RAB3C: variants seen among roughly 807,000 people sequenced by gnomAD.
RAB3C encodes the protein ras-related protein Rab-3C.
Under a neutral mutation model 26.4 loss-of-function variants are expected in RAB3C, and 17 were observed. That is an observed-to-expected ratio of 0.64 (90% CI 0.44 to 0.97). The LOEUF (loss-of-function observed/expected upper bound fraction) is 0.97. Ranked by LOEUF, RAB3C falls within the 50% of genes least tolerant of loss-of-function variation. RAB3C has a pLI of 0.00. For synonymous variants in RAB3C, 91 were observed against 95.9 expected (o/e 0.95, Z 0.30); for missense variants, 242 against 281.9 (o/e 0.86, Z 1.01).
intron 2 of RAB3C, among the ~76,000 whole-genome samples, chr5:58,666,927 T>G (rs1748014309): frequency 6.6e-6 from 1 of 152,194 alleles, no homozygotes. Flanking sequence ...AAATTTCTTT[T>G]ATTGCATCTG....
intron 3 of RAB3C, among the ~76,000 whole-genome samples, chr5:58,726,521 A>G (rs557681719): frequency 1.3e-5 from 2 of 152,072 alleles, no homozygotes; most frequent in East Asian, 3.9e-4. Flanking sequence ...CTTTTATTAG[A>G]ATACACTCCC....
chr5:58,692,457 A>G (rs1748590346), intron 2 of RAB3C, among the ~76,000 whole-genome samples: 1 of 152,178 alleles, frequency 6.6e-6, no homozygotes, highest in Non-Finnish European at 1.5e-5. Context: ...GATGTTAAGC[A>G]TAAAGTTTAG....
intron 4 of RAB3C, among the ~76,000 whole-genome samples, chr5:58,847,800 T>G (rs16888700): frequency 6.6e-6 from 1 of 152,172 alleles, no homozygotes; most frequent in Admixed American, 6.5e-5. Flanking sequence ...GACAAACTTA[T>G]GACAAGAGAT....
rs764172163 is a variant in RAB3C, at chr5:58,617,811, A to G, written c.193A>G (p.Ile65Val). ...FTSAFVSTVG[I>V]DFKVKTVFKN... is the part of the protein sequence containing the mutation. Reference sequence around the variant, plus strand: ...ATCTGCATTCGTCAGCACAGTTGGGATCGATTTCAAAGTAAAAACTGTATT... The same window carrying G: ...ATCTGCATTCGTCAGCACAGTTGGGGTCGATTTCAAAGTAAAAACTGTATT... The change falls in exon 2 of 5, where the codon ATC (isoleucine) becomes GTC (valine). Residue 65 changes from isoleucine to valine, a missense_variant. Ile to Val is a conservative substitution (Grantham distance 29, BLOSUM62 3). Coordinates refer to ENST00000282878, the MANE Select transcript of RAB3C (RefSeq NM_138453.4). 6.2e-7 allele frequency: 1 copy of G among 1,613,442 alleles called. No individual in the cohort carries two copies. The highest frequency in any genetic ancestry group is 2.2e-5 in the East Asian group (1 of 44,866).
At chr5:58,583,322 A>G in intron 1 of RAB3C, 90 bp downstream of exon 1, 1 of 1,593,410 alleles carries the variant, frequency 6.3e-7, no homozygotes. Flanking sequence ...ACGTAAGGAA[A>G]GGTCTAGGCG....
chr5:58,828,071 G>C (rs1483918847), intron 4 of RAB3C, among the ~76,000 whole-genome samples: 2 of 152,054 alleles, frequency 1.3e-5, no homozygotes, highest in Admixed American at 1.3e-4. Context: ...TCCTAATGAG[G>C]GTCCTTGATG....
intron 2 of RAB3C, among the ~76,000 whole-genome samples, chr5:58,636,762 T>C (rs1747298020): frequency 2.6e-5 from 4 of 152,146 alleles, no homozygotes; most frequent in African/African-American, 9.7e-5. Context: ...CCGAAGAACA[T>C]TGTTGCAATG....
chr5:58,831,982 G>A (rs1743622196), intron 4 of RAB3C, among the ~76,000 whole-genome samples: 2 of 152,302 alleles, frequency 1.3e-5, no homozygotes, highest in South Asian at 4.1e-4. Context: ...TTAAGTCCCA[G>A]GTTATTCCAA....
At chr5:58,583,022 T>C (rs564881245), upstream of RAB3C, 8 of 1,422,600 alleles carry the variant, frequency 5.6e-6, no homozygotes, top group Non-Finnish European at 7.3e-6. Context: ...CTCCCAGGAG[T>C]GCACGGGGCT....
chr5:58,776,053 T>C (rs1163026593), intron 3 of RAB3C, among the ~76,000 whole-genome samples: 1 of 152,094 alleles, frequency 6.6e-6, no homozygotes, highest in African/African-American at 2.4e-5. Context: ...TTCTGCTCAC[T>C]CCACCTCTCA....
At chr5:58,727,907 ACT>A (rs911263057) in intron 3 of RAB3C, among the ~76,000 whole-genome samples, 20 of 152,042 alleles carry the variant, frequency 1.3e-4, no homozygotes, top group African/African-American at 4.6e-4. Context: ...TAATGGTGCC[ACT>A]ATATCTTCAT....
chr5:58,618,796 C>A (rs1746876479), intron 2 of RAB3C, among the ~76,000 whole-genome samples: 2 of 152,140 alleles, frequency 1.3e-5, no homozygotes, highest in Admixed American at 1.3e-4. Flanking sequence ...GTACCTCTGC[C>A]ACTCAAATTG....
intron 2 of RAB3C, among the ~76,000 whole-genome samples, chr5:58,639,766 C>G (rs1747373864): frequency 1.3e-5 from 2 of 152,198 alleles, no homozygotes; most frequent in Non-Finnish European, 2.9e-5. Context: ...ACCACCTGCT[C>G]ACCACAAGTT....
chr5:58,772,831 T>A lies in RAB3C; in HGVS notation c.371+46711T>A, dbSNP rs186344003. 6.6e-5 allele frequency among the ~76,000 whole-genome samples: 10 copies of A among 152,284 alleles called. No individual in the cohort carries two copies. In the East Asian group the frequency reaches 1.9e-3, roughly 29 times the overall value. On this transcript the variant is annotated intron_variant, in intron 3 of 4. Transcript: ENST00000282878. ...ATCAGGTAAGGAAATTATAGGTCTA[T>A]TGTATAGAGAATCATAAGAGTGGAG...
At chr5:58,739,466 C>G (rs77311750) in intron 3 of RAB3C, among the ~76,000 whole-genome samples, 4 of 152,014 alleles carry the variant, frequency 2.6e-5, no homozygotes, top group African/African-American at 7.3e-5. Flanking sequence ...AGATAATTAT[C>G]CTAGTTATCA....
chr5:58,755,414 G>A (rs1170128936), intron 3 of RAB3C, among the ~76,000 whole-genome samples: 1 of 152,132 alleles, frequency 6.6e-6, no homozygotes, highest in African/African-American at 2.4e-5. Flanking sequence ...TTGTGAAATG[G>A]TGTTCATATT....
At chr5:58,808,656 T>C (rs1470213532) in intron 3 of RAB3C, among the ~76,000 whole-genome samples, 1 of 152,218 alleles carries the variant, frequency 6.6e-6, no homozygotes, top group South Asian at 2.1e-4. Flanking sequence ...GAAGGGATAT[T>C]ATCATATCTC....
At position 58,805,134 on chromosome 5, in the gene RAB3C, T is replaced by C. The variant is rs530121201; in HGVS notation, c.372-19904T>C. On this transcript the variant is annotated intron_variant, in intron 3 of 4. Transcript: ENST00000282878. Reference sequence around the variant, plus strand: ...TATTCAATTATAAACTAAATACTTATTAGGCACTGTTAAATACTTGAGAGA... The same window carrying C: ...TATTCAATTATAAACTAAATACTTACTAGGCACTGTTAAATACTTGAGAGA... Among the ~76,000 whole-genome samples the C allele has an allele frequency of 4.6e-5, 7 of 152,302 alleles. No homozygotes were observed. In the South Asian group the frequency reaches 1.2e-3, roughly 27 times the overall value.
At chr5:58,840,182 T>C (rs958451036) in intron 4 of RAB3C, among the ~76,000 whole-genome samples, 5 of 151,930 alleles carry the variant, frequency 3.3e-5, no homozygotes, top group East Asian at 3.9e-4. Context: ...TCTTTTTTTT[T>C]CTGCTTATAT....
Sources: gnomAD v4.1 joint callset for allele counts (sites outside exome capture counted in the v4.1 genomes callset) on GRCh38, gnomAD v4.1.1 for gene constraint, MANE v1.5 for transcripts, NCBI Gene and HGNC (gene_info 2026-07-23, HGNC 2026-07-21) for gene names.